The following EGFLAM variants were observed in gnomAD, a reference collection of about 807,000 sequenced individuals.
EGFLAM encodes pikachurin.
Under a neutral mutation model 113.1 loss-of-function variants are expected in EGFLAM, and 79 were observed. That is an observed-to-expected ratio of 0.70 (90% confidence interval 0.58 to 0.84). The LOEUF (loss-of-function observed/expected upper bound fraction) is 0.84, where lower values mean the gene tolerates loss of function less well. EGFLAM is among the 40% of genes least tolerant of loss of function. The pLI, the probability that EGFLAM is intolerant of heterozygous loss-of-function variation, is 0.00. For synonymous variants in EGFLAM, 504 were observed against 487.6 expected (o/e 1.03, Z -0.44); for missense variants, 1,265 against 1,291.6 (o/e 0.98, Z 0.32).
At chr5:38,435,799 GCT>G (rs1561091934) in intron 16 of EGFLAM, among the ~76,000 whole-genome samples, 7 of 143,312 alleles carry the variant, frequency 4.9e-5, no homozygotes, top group Admixed American at 7.0e-5. Flanking sequence ...GACTCCCCCG[GCT>G]CTCTCTTTTT....
chr5:38,306,833 C>T (rs541146194), intron 1 of EGFLAM, among the ~76,000 whole-genome samples: 1 of 152,198 alleles, frequency 6.6e-6, no homozygotes, highest in Non-Finnish European at 1.5e-5. Flanking sequence ...AAAGTCCTAA[C>T]AGTTTCTGCA....
At chr5:38,345,713 T>A (rs1739457423) in intron 3 of EGFLAM, 2 of 152,206 alleles carry the variant, frequency 1.3e-5, no homozygotes, top group Admixed American at 1.3e-4. Context: ...GATAAACATC[T>A]TGACTTGTCT....
chr5:38,446,635 C>G (rs1742723819), intron 17 of EGFLAM, among the ~76,000 whole-genome samples: 1 of 152,186 alleles, frequency 6.6e-6, no homozygotes, highest in Non-Finnish European at 1.5e-5. Context: ...CTCAGGCCCT[C>G]TTCCAGGGCT....
intron 6 of EGFLAM, among the ~76,000 whole-genome samples, chr5:38,405,391 A>G (rs1319389220): frequency 1.3e-5 from 2 of 151,878 alleles, no homozygotes; most frequent in Non-Finnish European, 2.9e-5. Context: ...TAAGTAATAT[A>G]TTGTTTTGTT....
At chr5:38,379,709 A>T (rs1299545097) in intron 6 of EGFLAM, among the ~76,000 whole-genome samples, 1 of 152,046 alleles carries the variant, frequency 6.6e-6, no homozygotes, top group Non-Finnish European at 1.5e-5. Context: ...TTGGCTGCTT[A>T]GATTTAAAAG....
At chr5:38,455,216 G>A (rs1449497024) in intron 19 of EGFLAM, among the ~76,000 whole-genome samples, 1 of 152,168 alleles carries the variant, frequency 6.6e-6, no homozygotes, top group Non-Finnish European at 1.5e-5. Flanking sequence ...CAGGAAGGTG[G>A]CCGAGTGGTT....
chr5:38,261,417 G>A (rs557495550), intron 1 of EGFLAM, among the ~76,000 whole-genome samples: 1 of 152,196 alleles, frequency 6.6e-6, no homozygotes, highest in African/African-American at 2.4e-5. Flanking sequence ...CAACCCAATA[G>A]CCCTGGGAGA....
chr5:38,283,940 A>G (rs1758088077), intron 1 of EGFLAM: 7 of 152,324 alleles, frequency 4.6e-5, no homozygotes, highest in African/African-American at 1.7e-4. Flanking sequence ...GCTCTTCATT[A>G]GCTCCAAACT....
chr5:38,442,729 G>A (rs2112238939), intron 17 of EGFLAM, among the ~76,000 whole-genome samples: 1 of 152,076 alleles, frequency 6.6e-6, no homozygotes, highest in African/African-American at 2.4e-5. Flanking sequence ...ACAATTCTAA[G>A]ATGGTTGCCA....
At chr5:38,372,836 T>TG (rs1740260425) in intron 6 of EGFLAM, among the ~76,000 whole-genome samples, 1 of 152,228 alleles carries the variant, frequency 6.6e-6, no homozygotes, top group Non-Finnish European at 1.5e-5. Flanking sequence ...AATCGTGGTT[T>TG]TTCTCCTTGA....
intron 13 of EGFLAM, 69 bp downstream of exon 13, chr5:38,425,161 A>G (rs1009920268): frequency 3.5e-5 from 54 of 1,548,374 alleles, no homozygotes; most frequent in Admixed American, 3.5e-4. Context: ...CTTTATCATC[A>G]ATATAGTTTC....
chr5:38,305,473 C>G, intron 1 of EGFLAM: 1 of 454,756 alleles, frequency 2.2e-6, no homozygotes, highest in South Asian at 1.6e-5. Context: ...TTGGACAGAA[C>G]CATGACGCAG....
intron 5 of EGFLAM, among the ~76,000 whole-genome samples, chr5:38,367,558 GTTC>G (rs1479239852): frequency 6.6e-6 from 1 of 152,066 alleles, no homozygotes; most frequent in Non-Finnish European, 1.5e-5. Context: ...ATGGCCAGAT[GTTC>G]TTCTGTTCCT....
chr5:38,285,480 G>A (rs555538150), intron 1 of EGFLAM, among the ~76,000 whole-genome samples: 1 of 152,152 alleles, frequency 6.6e-6, no homozygotes, highest in Non-Finnish European at 1.5e-5. Flanking sequence ...GGAAGTGGGT[G>A]GGGGAGGTGA....
chr5:38,312,446 T>C (rs1738480000), intron 1 of EGFLAM, among the ~76,000 whole-genome samples: 1 of 151,972 alleles, frequency 6.6e-6, no homozygotes, highest in Non-Finnish European at 1.5e-5. Flanking sequence ...TTCACCATGT[T>C]AGCCAGGATG....
intron 1 of EGFLAM, among the ~76,000 whole-genome samples, chr5:38,326,236 G>A (rs981583394): frequency 6.6e-6 from 1 of 152,168 alleles, no homozygotes; most frequent in Admixed American, 6.5e-5. Context: ...GGCCCAAAGG[G>A]ACATGATGGT....
intron 17 of EGFLAM, 65 bp downstream of exon 17, chr5:38,438,520 G>T: frequency 7.0e-7 from 1 of 1,426,614 alleles, no homozygotes; most frequent in East Asian, 2.5e-5. Context: ...GCCAATTGGG[G>T]GACCACAACT....
intron 17 of EGFLAM, among the ~76,000 whole-genome samples, chr5:38,444,927 A>G (rs1304668339): frequency 6.6e-6 from 1 of 152,230 alleles, no homozygotes; most frequent in Non-Finnish European, 1.5e-5. Context: ...CCTGGGCAAC[A>G]GAGCAAGACT....
chr5:38,452,283 C>T (rs538237922), intron 19 of EGFLAM, among the ~76,000 whole-genome samples: 11 of 152,168 alleles, frequency 7.2e-5, no homozygotes, highest in East Asian at 5.9e-4. Context: ...CCACCCGCTT[C>T]GGCCTCCCAA....
Sources: allele counts gnomAD v4.1 joint callset (sites outside exome capture counted in the v4.1 genomes callset), GRCh38; gene constraint gnomAD v4.1.1; transcripts MANE v1.5; gene names NCBI Gene and HGNC (gene_info 2026-07-23, HGNC 2026-07-21).